Variants in ANKRD33B observed in about 807,000 individuals in gnomAD.
ANKRD33B encodes ankyrin repeat domain 33B, also known as ankyrin repeat domain-containing protein 33B.
Under a neutral mutation model 21.5 loss-of-function variants are expected in ANKRD33B, and 6 were observed. The observed-to-expected ratio is 0.28, with a 90% CI of 0.15 to 0.55. The LOEUF (loss-of-function observed/expected upper bound fraction) is 0.55, where lower values mean the gene tolerates loss of function less well. ANKRD33B is among the 20% of genes least tolerant of loss of function. The pLI, the probability that ANKRD33B is intolerant of heterozygous loss-of-function variation, is 0.94. For missense variants in ANKRD33B, 698 were observed against 747.2 expected, an observed-to-expected ratio of 0.93 and a Z score of 0.77; for synonymous variants, 347 against 342.4, an observed-to-expected ratio of 1.01 and a Z score of -0.15.
intron 1 of ANKRD33B, among the ~76,000 whole-genome samples, chr5:10,570,684 GTAGC>G (rs1244825324): frequency 6.6e-6 from 1 of 152,104 alleles, no homozygotes; most frequent in Non-Finnish European, 1.5e-5. Context: ...AGCCTTCTGA[GTAGC>G]TGGGACTATA....
intron 1 of ANKRD33B, among the ~76,000 whole-genome samples, chr5:10,572,979 T>C (rs1269228978): frequency 6.6e-6 from 1 of 152,218 alleles, no homozygotes; most frequent in East Asian, 1.9e-4. Flanking sequence ...TAAATATGCC[T>C]CTGGAAGCAT....
rs1431110369 is a variant in ANKRD33B, at chr5:10,638,755, A to T, written c.637+587A>T. 4.0e-5 allele frequency among the ~76,000 whole-genome samples: 6 copies of T among 151,100 alleles called. No homozygotes were observed. The East Asian group carries it at 1.2e-3, about 30-fold the overall frequency. ...AGAAGGCGATGTGGAGTTGCTTGTT[A>T]ACGTTAGGAGGCGACATGTTGCACG... On this transcript the variant is annotated intron_variant, in intron 3 of 3. Transcript: ENST00000296657.
In ANKRD33B at chr5:10,657,649, A is replaced by G. The variant is rs908881877; in HGVS notation, c.*7536A>G. The G allele has an allele frequency of 2.0e-5, 3 of 150,810 alleles. No individual in the cohort carries two copies. Among genetic ancestry groups the G allele is most frequent in the Non-Finnish European group, 4.4e-5 (3 of 68,032 alleles). The allele number at this position is 150,810 out of a possible 1,614,324, so 9.3% of individuals were successfully genotyped here. ...TCAATTTTTGATATTCAAAAAGTTAATAATCTTTAAGCTAAATATAATGTG... is the reference window on the plus strand; with the variant it reads ...TCAATTTTTGATATTCAAAAAGTTAGTAATCTTTAAGCTAAATATAATGTG... On this transcript the variant is annotated 3_prime_UTR_variant, in exon 4 of 4. Transcript: ENST00000296657.
chr5:10,591,934 ATTG>A (rs1345982846), intron 1 of ANKRD33B, among the ~76,000 whole-genome samples: 2 of 152,174 alleles, frequency 1.3e-5, no homozygotes, highest in African/African-American at 4.8e-5. Context: ...TTGTATATTT[ATTG>A]TTATCTTATT....
intron 1 of ANKRD33B, among the ~76,000 whole-genome samples, chr5:10,590,159 T>G (rs1735649908): frequency 6.6e-6 from 1 of 152,230 alleles, no homozygotes; most frequent in South Asian, 2.1e-4. Context: ...ATTAGTTATT[T>G]TAAAGCTTGA....
chr5:10,646,272 G>A (rs895054096), intron 3 of ANKRD33B, among the ~76,000 whole-genome samples: 1 of 152,212 alleles, frequency 6.6e-6, no homozygotes, highest in Admixed American at 6.5e-5. Flanking sequence ...GTCTGCTGGC[G>A]AGAAGATGGA....
chr5:10,594,496 G>A (rs1735776874), intron 1 of ANKRD33B, among the ~76,000 whole-genome samples: 2 of 152,112 alleles, frequency 1.3e-5, no homozygotes, highest in South Asian at 2.1e-4. Flanking sequence ...GGGATTACAG[G>A]TGTGAACCAC....
At chr5:10,641,275 C>A (rs1737053993) in intron 3 of ANKRD33B, among the ~76,000 whole-genome samples, 2 of 138,772 alleles carry the variant, frequency 1.4e-5, no homozygotes, top group South Asian at 4.7e-4. Flanking sequence ...GTCGCCCAGG[C>A]TGGAGTGCGG....
At chr5:10,591,103 A>G (rs1445213949) in intron 1 of ANKRD33B, among the ~76,000 whole-genome samples, 1 of 147,928 alleles carries the variant, frequency 6.8e-6, no homozygotes, top group Non-Finnish European at 1.5e-5. Flanking sequence ...AGATGTATCT[A>G]TTTCTTTATG....
rs1372714694 is a variant in ANKRD33B, at chr5:10,647,611, G to A, written c.638-1655G>A. On this transcript the variant is annotated intron_variant, in intron 3 of 3. Coordinates refer to ENST00000296657, the MANE Select transcript of ANKRD33B (RefSeq NM_001164440.2). ...GAGTGACTAGTGTCAGGGAGACTGT[G>A]TAAGGGGACCTATCAGTCAACCAAT... 2.0e-5 allele frequency among the ~76,000 whole-genome samples: 3 copies of A among 152,226 alleles called. 1 individual carries two copies. Among genetic ancestry groups the A allele is most frequent in the Admixed American group, 2.0e-4 (3 of 15,286 alleles).
chr5:10,618,897 C>T (rs553263962), intron 2 of ANKRD33B, among the ~76,000 whole-genome samples: 3 of 152,206 alleles, frequency 2.0e-5, no homozygotes, highest in South Asian at 2.1e-4. Context: ...GTTAAAGAAA[C>T]GCCAGGAACT....
chr5:10,634,824 T>C (rs192713219), intron 2 of ANKRD33B, among the ~76,000 whole-genome samples: 3 of 132,406 alleles, frequency 2.3e-5, no homozygotes, highest in Admixed American at 1.6e-4. Flanking sequence ...GTCTCATATA[T>C]GTAAAGAAAA....
At chr5:10,617,183 C>G (rs1296438213) in intron 1 of ANKRD33B, among the ~76,000 whole-genome samples, 1 of 152,106 alleles carries the variant, frequency 6.6e-6, no homozygotes, top group Non-Finnish European at 1.5e-5. Context: ...TTTGGTAATA[C>G]TTAATTAATA....
chr5:10,649,723 G>A lies in ANKRD33B; in HGVS notation c.1095G>A (p.Ala365=), dbSNP rs1013194109. 1.3e-6 allele frequency: 2 copies of A among 1,494,582 alleles called. No homozygotes were observed. The highest frequency in any genetic ancestry group is 1.4e-5 in the African/African-American group (1 of 70,980). 92.6% of individuals were successfully genotyped at this position (1,494,582 alleles called of 1,614,324 possible). Reference sequence around the variant, plus strand: ...AGGAGGAGGATGAGGTGGGGGGCGCGGGGCAGCGCGGGCGGACCGGACAGG... The same window carrying A: ...AGGAGGAGGATGAGGTGGGGGGCGCAGGGCAGCGCGGGCGGACCGGACAGG... ...QAQEEDEVGG[A]GQRGRTGQED... Residue 365 remains alanine (A), a synonymous_variant, in exon 4 of 4, where the codon GCG becomes GCA. Coordinates refer to ENST00000296657, the MANE Select transcript of ANKRD33B (RefSeq NM_001164440.2).
At position 10,657,270 on chromosome 5, in the gene ANKRD33B, C is replaced by A. The variant is rs1490065276; in HGVS notation, c.*7157C>A. The A allele has an allele frequency of 1.3e-5, 2 of 152,368 alleles. No homozygotes were observed. Among genetic ancestry groups the A allele is most frequent in the African/African-American group, 4.8e-5 (2 of 41,468 alleles). 9.4% of individuals were successfully genotyped at this position (152,368 alleles called of 1,614,324 possible). A position where few individuals can be genotyped will look rare whatever the true frequency, so the allele number is the denominator to read the frequency against. ...CATTAAAAGCCAATGTACTGGAATT[C>A]TCTTTGTTCTGCCCGACATTTGGGG... On this transcript the variant is annotated 3_prime_UTR_variant, in exon 4 of 4. Coordinates refer to ENST00000296657, the MANE Select transcript of ANKRD33B (RefSeq NM_001164440.2).
chr5:10,627,168 A>G (rs1736572364), intron 2 of ANKRD33B: 2 of 152,246 alleles, frequency 1.3e-5, no homozygotes, highest in African/African-American at 4.8e-5. Context: ...TGTAATCCCT[A>G]AGTCTCATTT....
intron 1 of ANKRD33B, among the ~76,000 whole-genome samples, chr5:10,595,147 T>C (rs568510196): frequency 1.3e-5 from 2 of 152,104 alleles, no homozygotes; most frequent in East Asian, 1.9e-4. Context: ...AGGTGCTGTG[T>C]TGGGGCCAGA....
At chr5:10,572,447 C>T (rs1364190207) in intron 1 of ANKRD33B, among the ~76,000 whole-genome samples, 1 of 152,160 alleles carries the variant, frequency 6.6e-6, no homozygotes, top group Non-Finnish European at 1.5e-5. Flanking sequence ...CAGAGCATCT[C>T]ATTCTACCCT....
intron 3 of ANKRD33B, among the ~76,000 whole-genome samples, chr5:10,646,292 A>G (rs1173373265): frequency 1.3e-5 from 2 of 152,256 alleles, no homozygotes; most frequent in Non-Finnish European, 2.9e-5. Context: ...ATACAGTGGC[A>G]TTTCAGAAAT....
Sources: gnomAD v4.1 joint callset for allele counts (sites outside exome capture counted in the v4.1 genomes callset) on GRCh38, gnomAD v4.1.1 for gene constraint, MANE v1.5 for transcripts, NCBI Gene and HGNC (gene_info 2026-07-23, HGNC 2026-07-21) for gene names.